CABLES1: variants seen among roughly 807,000 people sequenced by gnomAD.
CABLES1 encodes Cdk5 and Abl enzyme substrate 1.
Under a neutral mutation model 57.8 loss-of-function variants are expected in CABLES1, and 36 were observed. The ratio of observed to expected loss-of-function variants is 0.62; its 90% CI spans 0.48 to 0.82. The LOEUF (loss-of-function observed/expected upper bound fraction) is 0.82. Ranked by LOEUF, CABLES1 falls within the 40% of genes least tolerant of loss-of-function variation. The pLI is 0.00. For synonymous variants in CABLES1, 374 were observed against 363.0 expected, an observed-to-expected ratio of 1.03 and a Z score of -0.35; for missense variants, 767 against 836.6, an observed-to-expected ratio of 0.92 and a Z score of 1.03.
chr18:23,250,392 C>G (rs911724648), intron 7 of CABLES1, among the ~76,000 whole-genome samples: 6 of 152,154 alleles, frequency 3.9e-5, no homozygotes, highest in African/African-American at 1.2e-4. Context: ...ACTTGGGAAA[C>G]AGGAGGGTTG....
At chr18:23,253,290 C>G (rs1305692952) in intron 8 of CABLES1, among the ~76,000 whole-genome samples, 1 of 152,176 alleles carries the variant, frequency 6.6e-6, no homozygotes, top group Non-Finnish European at 1.5e-5. Context: ...TGAGACCAGC[C>G]TGGCCCACAT....
chr18:23,169,633 A>G (rs1201595145), intron 1 of CABLES1, among the ~76,000 whole-genome samples: 2 of 152,190 alleles, frequency 1.3e-5, no homozygotes, highest in Non-Finnish European at 2.9e-5. Context: ...AGTGGGTAAA[A>G]CTTTATTTCT....
At chr18:23,163,643 A>G (rs953660894) in intron 1 of CABLES1, among the ~76,000 whole-genome samples, 16 of 152,130 alleles carry the variant, frequency 1.1e-4, no homozygotes, top group Non-Finnish European at 1.8e-4. Flanking sequence ...CAGAGAGTGG[A>G]TACAGAAATA....
intron 1 of CABLES1, among the ~76,000 whole-genome samples, chr18:23,145,796 G>A (rs908400746): frequency 6.6e-6 from 1 of 152,174 alleles, no homozygotes; most frequent in Non-Finnish European, 1.5e-5. Flanking sequence ...TAGTAGTTTG[G>A]ATGGCTACGC....
In CABLES1 at chr18:23,257,342, A is replaced by G. The variant is rs1287451645; in HGVS notation, c.1877A>G (p.Tyr626Cys). Residue 626 changes from tyrosine (Y) to cysteine (C), a missense_variant, in exon 10 of 10, where the codon TAC becomes TGC. Around this residue, in one of 4 missense-constraint regions of CABLES1, gnomAD observed 25 missense variants for 23.1 expected, o/e 1.08. Transcript: ENST00000256925. ...HLPEHEVMPH[Y>C]RRLVQSS The stretch of plus-strand genomic sequence containing the variant: ...CCCGAGCACGAAGTCATGCCCCACT[A>G]CAGACGGCTGGTCCAGAGTTCCTAG... The G allele has an allele frequency of 1.9e-6, 3 of 1,611,246 alleles. No homozygotes were observed. Among genetic ancestry groups the G allele is most frequent in the Non-Finnish European group, 2.5e-6 (3 of 1,179,390 alleles).
In CABLES1 at chr18:23,136,172, GC is replaced by G; in HGVS notation, c.414del (p.Cys139AlafsTer11). 8.2e-7 allele frequency: 1 copy of G among 1,224,934 alleles called. No homozygotes were observed. Among genetic ancestry groups the G allele is most frequent in the Non-Finnish European group, 1.0e-6 (1 of 984,404 alleles). The allele number at this position is 1,224,934 out of a possible 1,614,324, so 75.9% of individuals were successfully genotyped here. ...GCTGCGGGGTTAGCCGCTGGGTCCG[GC>G]CCCTGCCTCCCACAGCCCTCGTCGC... The part of the protein sequence containing the change: ...TPAAGLAAGS[G>X]PCLPQPSSLP... On this transcript the variant is annotated frameshift_variant, in exon 1 of 10. Coordinates refer to ENST00000256925, the MANE Select transcript of CABLES1 (RefSeq NM_001100619.3). LOFTEE classifies it high-confidence loss of function.
intron 1 of CABLES1, among the ~76,000 whole-genome samples, chr18:23,170,136 G>T (rs2047072039): frequency 6.6e-6 from 1 of 152,200 alleles, no homozygotes. Flanking sequence ...CGGCCATGTG[G>T]ATGTACATAT....
At chr18:23,240,134 A>G (rs991073836) in intron 7 of CABLES1, among the ~76,000 whole-genome samples, 8 of 152,068 alleles carry the variant, frequency 5.3e-5, no homozygotes, top group African/African-American at 1.9e-4. Context: ...ACAAAACAAA[A>G]ACAGCGGCAG....
At chr18:23,162,176 C>CAGCA (rs1555660162) in intron 1 of CABLES1, among the ~76,000 whole-genome samples, 1 of 45,120 alleles carries the variant, frequency 2.2e-5, no homozygotes, top group Non-Finnish European at 4.3e-5. Flanking sequence ...AAAAAAAAAA[C>CAGCA]AACAAAGAGA....
At chr18:23,223,450 C>CG (rs1201953659) in intron 4 of CABLES1, among the ~76,000 whole-genome samples, 2 of 151,836 alleles carry the variant, frequency 1.3e-5, no homozygotes, top group Non-Finnish European at 2.9e-5. Flanking sequence ...TACTGGCAGG[C>CG]GCCTGAAATC....
chr18:23,163,676 G>A (rs557622920), intron 1 of CABLES1, among the ~76,000 whole-genome samples: 15 of 152,226 alleles, frequency 9.9e-5, no homozygotes, highest in African/African-American at 3.6e-4. Context: ...AGGCACTGAG[G>A]AGTGGCCATC....
chr18:23,163,400 G>A (rs1286951849), intron 1 of CABLES1, among the ~76,000 whole-genome samples: 2 of 152,152 alleles, frequency 1.3e-5, no homozygotes, highest in African/African-American at 4.8e-5. Flanking sequence ...CACCCAGGGA[G>A]CGGGGACAGA....
chr18:23,187,769 A>G (rs762245640), intron 1 of CABLES1, among the ~76,000 whole-genome samples: 3 of 152,308 alleles, frequency 2.0e-5, no homozygotes, highest in East Asian at 3.9e-4. Flanking sequence ...ATAGTTTGCT[A>G]CAAAAATGAC....
At chr18:23,215,083 G>A (rs1235217575) in intron 4 of CABLES1, among the ~76,000 whole-genome samples, 3 of 152,194 alleles carry the variant, frequency 2.0e-5, no homozygotes, top group Admixed American at 1.3e-4. Context: ...CTTAAGGAGC[G>A]ATAATCATGG....
At chr18:23,221,197 C>T (rs1361784912) in intron 4 of CABLES1, among the ~76,000 whole-genome samples, 1 of 152,256 alleles carries the variant, frequency 6.6e-6, no homozygotes, top group East Asian at 1.9e-4. Context: ...GGCATGTCTT[C>T]ACTTCACAAA....
chr18:23,192,186 G>T (rs1437866540), intron 2 of CABLES1, among the ~76,000 whole-genome samples: 1 of 152,182 alleles, frequency 6.6e-6, no homozygotes, highest in Admixed American at 6.5e-5. Context: ...TGGTTACCTG[G>T]TGTCCAAAAA....
chr18:23,195,128 A>T (rs2047272807), intron 3 of CABLES1, among the ~76,000 whole-genome samples: 1 of 152,236 alleles, frequency 6.6e-6, no homozygotes, highest in Non-Finnish European at 1.5e-5. Flanking sequence ...GTTGAAATTT[A>T]TATGACCGTG....
chr18:23,246,265 C>A (rs1346138826), intron 7 of CABLES1, among the ~76,000 whole-genome samples: 16 of 140,802 alleles, frequency 1.1e-4, no homozygotes, highest in Non-Finnish European at 7.7e-5. Context: ...GACTCCATCT[C>A]AAAAAAAAAA....
At chr18:23,141,009 G>C (rs11082304) in intron 1 of CABLES1, among the ~76,000 whole-genome samples, 3 of 152,018 alleles carry the variant, frequency 2.0e-5, no homozygotes, top group Non-Finnish European at 4.4e-5. Context: ...AAATGCTTCA[G>C]ATTTGGGCTT....
Sources: gnomAD v4.1 joint callset for allele counts (sites outside exome capture counted in the v4.1 genomes callset) on GRCh38, gnomAD v4.1.1 for gene constraint, gnomAD v4.1.1 regional missense constraint, MANE v1.5 for transcripts, NCBI Gene and HGNC (gene_info 2026-07-23, HGNC 2026-07-21) for gene names.